Variants in MEIS2 observed in about 807,000 individuals in gnomAD.
The protein encoded by MEIS2 is homeobox protein Meis2.
Under a neutral mutation model 58.6 loss-of-function variants are expected in MEIS2, and 9 were observed. The observed-to-expected ratio is 0.15, with a 90% CI of 0.09 to 0.27. The LOEUF (loss-of-function observed/expected upper bound fraction) is 0.27. MEIS2 is among the 10% of genes least tolerant of loss of function. The probability of loss-of-function intolerance (pLI) is 1.00; values close to 1 mark genes in which losing one functional copy is unlikely to be tolerated. For synonymous variants in MEIS2, 221 were observed against 228.4 expected, an observed-to-expected ratio of 0.97 and a Z score of 0.29; for missense variants, 427 against 635.0, an observed-to-expected ratio of 0.67 and a Z score of 3.52.
At chr15:36,974,085 G>A (rs550734699) in intron 8 of MEIS2, among the ~76,000 whole-genome samples, 51 of 152,196 alleles carry the variant, frequency 3.4e-4, no homozygotes, top group African/African-American at 9.2e-4. Flanking sequence ...CTAGAAATTC[G>A]AAGAGTGTCA....
At chr15:36,991,208 T>G (rs960726074) in intron 8 of MEIS2, among the ~76,000 whole-genome samples, 1 of 151,850 alleles carries the variant, frequency 6.6e-6, no homozygotes, top group Non-Finnish European at 1.5e-5. Context: ...ATCCATAGAG[T>G]GATATTTTCC....
intron 7 of MEIS2, among the ~76,000 whole-genome samples, chr15:37,058,552 C>CA (rs1888758229): frequency 6.6e-6 from 1 of 152,218 alleles, no homozygotes; most frequent in African/African-American, 2.4e-5. Flanking sequence ...GGCAGACACT[C>CA]AGTTGTCAAA....
chr15:37,028,182 A>G, intron 8 of MEIS2, among the ~76,000 whole-genome samples: 1 of 152,242 alleles, frequency 6.6e-6, no homozygotes, highest in East Asian at 1.9e-4. Flanking sequence ...ACCTCTTTTT[A>G]AACAGGATTG....
At chr15:37,057,807 A>G (rs1888639290) in intron 7 of MEIS2, among the ~76,000 whole-genome samples, 3 of 152,246 alleles carry the variant, frequency 2.0e-5, no homozygotes, top group South Asian at 2.1e-4. Context: ...ATGACAGACG[A>G]CAGGGTAAAG....
At chr15:36,924,579 C>T (rs994682125) in intron 9 of MEIS2, among the ~76,000 whole-genome samples, 4 of 152,172 alleles carry the variant, frequency 2.6e-5, no homozygotes, top group Non-Finnish European at 5.9e-5. Flanking sequence ...ACTGGCCTGT[C>T]GTCCCAAAGG....
At chr15:36,896,764 G>T in intron 9 of MEIS2, 78 bp from the exon 10 acceptor site, 1 of 1,088,446 alleles carries the variant, frequency 9.2e-7, no homozygotes, top group Non-Finnish European at 1.4e-6. Context: ...ATGCTGAGGA[G>T]CACAAAATAC....
In MEIS2 at chr15:37,098,425, A is replaced by AGG; in HGVS notation, c.13-227_13-226insCC. On this transcript the variant is annotated intron_variant, in intron 1 of 11. Coordinates refer to ENST00000561208, the MANE Select transcript of MEIS2 (RefSeq NM_170675.5). ...GAGAGAGAGAGAGAGAGAGAGAGAGAAAATAAAAATAAAAACAAAGTCAGA... is the reference window on the plus strand; with the variant it reads ...GAGAGAGAGAGAGAGAGAGAGAGAGAGGAAATAAAAATAAAAACAAAGTCAGA... 5.9e-6 allele frequency: 7 copies of AGG among 1,176,882 alleles called. No homozygotes were observed. The South Asian group carries it at 1.8e-4, about 31-fold the overall frequency. 72.9% of individuals were successfully genotyped at this position (1,176,882 alleles called of 1,614,324 possible).
intron 8 of MEIS2, among the ~76,000 whole-genome samples, chr15:36,976,359 C>G (rs1275760318): frequency 6.6e-6 from 1 of 152,000 alleles, no homozygotes; most frequent in Non-Finnish European, 1.5e-5. Context: ...GCTGGGATTA[C>G]AGGCGTGAGC....
chr15:37,092,506 T>C (rs1473191638), intron 6 of MEIS2, among the ~76,000 whole-genome samples: 1 of 151,910 alleles, frequency 6.6e-6, no homozygotes, highest in Non-Finnish European at 1.5e-5. Context: ...CTACAGCTTA[T>C]ATTATTTAGG....
chr15:37,009,151 T>A (rs1364005420), intron 8 of MEIS2, among the ~76,000 whole-genome samples: 1 of 151,954 alleles, frequency 6.6e-6, no homozygotes, highest in Non-Finnish European at 1.5e-5. Context: ...TAACCAGGCG[T>A]GGTGGCGGGC....
rs760522172 is a variant in MEIS2 at position 37,095,590 on chromosome 15, A to G, written c.412T>C (p.Ser138Pro). ...AAATTGTCCAGCTCTGGATTTGAGG[A>G]AAAAAGTGGCTTTTCGGCGCGAACC... Reference protein sequence around the residue: ...KQVRAEKPLFSSNPELDNLMI... With the variant: ...KQVRAEKPLFPSNPELDNLMI... Residue 138 changes from serine to proline, a missense_variant, in exon 4 of 12, where the codon TCC (serine) becomes CCC (proline). Physicochemically the swap from Ser to Pro is moderately conservative, Grantham distance 74. Transcript: ENST00000561208. 8.1e-6 allele frequency: 13 copies of G among 1,614,196 alleles called. No individual in the cohort carries two copies. Among genetic ancestry groups the G allele is most frequent in the East Asian group, 4.5e-5 (2 of 44,870 alleles).
intron 7 of MEIS2, among the ~76,000 whole-genome samples, chr15:37,053,259 T>C (rs998834775): frequency 6.6e-6 from 1 of 152,192 alleles, no homozygotes; most frequent in Non-Finnish European, 1.5e-5. Flanking sequence ...CGGATCTTGA[T>C]CACACTAGGC....
intron 8 of MEIS2, among the ~76,000 whole-genome samples, chr15:37,015,816 A>G (rs1446674856): frequency 1.3e-5 from 2 of 152,130 alleles, no homozygotes; most frequent in Non-Finnish European, 2.9e-5. Flanking sequence ...GAGGCTCTAG[A>G]TATCCTCGTG....
intron 8 of MEIS2, among the ~76,000 whole-genome samples, chr15:36,968,709 C>T (rs1237842577): frequency 6.6e-6 from 1 of 152,166 alleles, no homozygotes; most frequent in Non-Finnish European, 1.5e-5. Context: ...AAGCAATTCA[C>T]TTGTGCAGTC....
intron 9 of MEIS2, chr15:36,898,338 C>T (rs187138425): frequency 2.9e-4 from 44 of 152,278 alleles, no homozygotes; most frequent in African/African-American, 1.1e-3. Flanking sequence ...ATATTTCCAC[C>T]CCAGGAACCG....
intron 8 of MEIS2, among the ~76,000 whole-genome samples, chr15:36,994,259 C>T (rs1168880373): frequency 1.3e-5 from 2 of 152,098 alleles, no homozygotes; most frequent in African/African-American, 2.4e-5. Context: ...AACTTCTACC[C>T]CCATGATGAA....
chr15:36,968,997 T>C (rs1003731536), intron 8 of MEIS2, among the ~76,000 whole-genome samples: 12 of 152,162 alleles, frequency 7.9e-5, no homozygotes, highest in Non-Finnish European at 1.8e-4. Context: ...AAACCGGCCA[T>C]CATTTAGTTC....
chr15:36,889,866 CTCTT>C lies in MEIS2; in HGVS notation c.*2303_*2306del, dbSNP rs1567009774. ...AGCAAAAATGAGAGGGAAGCTATCT[CTCTT>C]TCCCAAGTGGCACTGAATTTCTCTA... On this transcript the variant is annotated 3_prime_UTR_variant, in exon 12 of 12. Coordinates refer to ENST00000561208, the MANE Select transcript of MEIS2 (RefSeq NM_170675.5). 2 of 152,198 alleles carry C rather than the reference CTCTT, an allele frequency of 1.3e-5. No homozygotes were observed. Among genetic ancestry groups the C allele is most frequent in the Non-Finnish European group, 2.9e-5 (2 of 68,014 alleles). The allele number at this position is 152,198 out of a possible 1,614,324, so 9.4% of individuals were successfully genotyped here.
chr15:36,935,419 G>A (rs1275806076), intron 9 of MEIS2, among the ~76,000 whole-genome samples: 2 of 151,770 alleles, frequency 1.3e-5, no homozygotes, highest in Admixed American at 6.6e-5. Flanking sequence ...CATTTGGATG[G>A]ACTGTAAATA....
Sources: allele counts gnomAD v4.1 joint callset (sites outside exome capture counted in the v4.1 genomes callset), GRCh38; gene constraint gnomAD v4.1.1; transcripts MANE v1.5; gene names NCBI Gene and HGNC (gene_info 2026-07-23, HGNC 2026-07-21).